FMR1NB: variants seen among roughly 807,000 people sequenced by gnomAD.
FMR1NB encodes the protein FMR1 neighbor.
A neutral mutation model predicts 16.8 loss-of-function variants in FMR1NB; 10 were observed. That is an observed-to-expected ratio of 0.60 (90% CI 0.37 to 1.01). FMR1NB has a LOEUF of 1.01. Ranked by LOEUF, FMR1NB falls within the 50% of genes least tolerant of loss-of-function variation. The pLI is 0.01. For synonymous variants in FMR1NB, 83 were observed against 79.1 expected, an observed-to-expected ratio of 1.05 and a Z score of -0.26; for missense variants, 205 against 204.8, an observed-to-expected ratio of 1.00 and a Z score of 0.00.
intron 1 of FMR1NB, among the ~76,000 whole-genome samples, chrX:147,983,387 AAT>A (rs1169145378): frequency 2.7e-5 from 3 of 112,328 alleles, no homozygotes; most frequent in Non-Finnish European, 3.8e-5. Flanking sequence ...CAATTTCACC[AAT>A]ATATGTTATC....
At chrX:148,007,569 G>A (rs1457471958) in intron 3 of FMR1NB, among the ~76,000 whole-genome samples, 1 of 112,002 alleles carries the variant, frequency 8.9e-6, no homozygotes, top group Non-Finnish European at 1.9e-5. Context: ...GAATTTATAG[G>A]TGTGAGCCAC....
chrX:147,987,063 A>G lies in FMR1NB; in HGVS notation c.277+5384A>G, dbSNP rs192462531. On this transcript the variant is annotated intron_variant, in intron 1 of 5. Transcript: ENST00000370467. ...TCCCTTGTAAGTTGTGTTCCTATGT[A>G]TTTTATTTTCTTTGTAGCAATTGTG... Among the ~76,000 whole-genome samples the G allele has an allele frequency of 7.2e-4, 79 of 109,902 alleles. 6 individuals are homozygous for G. The East Asian group carries it at 0.012, about 16-fold the overall frequency.
intron 1 of FMR1NB, among the ~76,000 whole-genome samples, chrX:147,996,538 T>A (rs143030088): frequency 0.015 from 1,544 of 102,505 alleles, 31 homozygotes; most frequent in African/African-American, 0.051. Context: ...TTCTGTCTCC[T>A]CACCCTGTCA....
intron 2 of FMR1NB, among the ~76,000 whole-genome samples, chrX:148,004,676 G>C (rs1183290984): frequency 8.9e-6 from 1 of 111,894 alleles, no homozygotes; most frequent in Non-Finnish European, 1.9e-5. Flanking sequence ...AAAAAAGTTC[G>C]TTGTTTTGCC....
chrX:148,020,681 A>G (rs782211098), intron 4 of FMR1NB, among the ~76,000 whole-genome samples: 34 of 111,763 alleles, frequency 3.0e-4, no homozygotes, highest in Non-Finnish European at 5.5e-4. Flanking sequence ...TAGAACTGTC[A>G]TCTGTGAGCT....
At chrX:147,981,705 G>A in intron 1 of FMR1NB, 26 bp downstream of exon 1, 1 of 539,292 alleles carries the variant, frequency 1.9e-6, no homozygotes, top group East Asian at 1.3e-4. Context: ...GGCCAGGCAG[G>A]GAAATGCTGG....
intron 1 of FMR1NB, among the ~76,000 whole-genome samples, chrX:147,994,321 C>T (rs529242508): frequency 1.8e-5 from 2 of 112,044 alleles, no homozygotes; most frequent in East Asian, 5.6e-4. Flanking sequence ...ACATGGGTTT[C>T]TAGGTTTTTG....
chrX:148,016,816 AT>A (rs1377471908), intron 4 of FMR1NB, among the ~76,000 whole-genome samples: 1 of 110,739 alleles, frequency 9.0e-6, no homozygotes, highest in Non-Finnish European at 1.9e-5. Context: ...ATAGTAGTCG[AT>A]GTTTTGAAGA....
chrX:147,985,867 G>C (rs1056743781), intron 1 of FMR1NB, among the ~76,000 whole-genome samples: 1 of 111,657 alleles, frequency 9.0e-6, no homozygotes, highest in Admixed American at 9.5e-5. Context: ...TGGTATTTCT[G>C]GTTCTAGATC....
chrX:147,996,610 A>C (rs2044543154), intron 1 of FMR1NB, among the ~76,000 whole-genome samples: 1 of 111,107 alleles, frequency 9.0e-6, no homozygotes, highest in South Asian at 3.8e-4. Flanking sequence ...GGGGCAACAT[A>C]ATTTGTAAAA....
intron 4 of FMR1NB, among the ~76,000 whole-genome samples, chrX:148,012,300 T>A (rs1603084224): frequency 8.9e-6 from 1 of 112,179 alleles, no homozygotes; most frequent in African/African-American, 3.2e-5. Context: ...TTAGATAAAG[T>A]TTAAATCTGT....
rs782306997 is a variant in FMR1NB at position 148,014,730 on chromosome X, G to T, written c.632+6019G>T. On this transcript the variant is annotated intron_variant, in intron 4 of 5. Coordinates refer to ENST00000370467, the MANE Select transcript of FMR1NB (RefSeq NM_152578.3). ...CACAATCACGGCTTACTGCAGCCTC[G>T]ACTTCCCGGGCTCCGGCAATCCTCC... is the stretch of plus-strand genomic sequence containing the variant. Among the ~76,000 whole-genome samples the T allele has an allele frequency of 8.1e-5, 9 of 111,226 alleles. No individual in the cohort carries two copies. The South Asian group carries it at 3.5e-3, about 43-fold the overall frequency.
chrX:147,996,202 A>T (rs1557188143), intron 1 of FMR1NB, among the ~76,000 whole-genome samples: 3 of 112,418 alleles, frequency 2.7e-5, no homozygotes, highest in East Asian at 5.5e-4. Context: ...ACAAGTAATG[A>T]TATTAAATTT....
chrX:147,988,948 G>T (rs1557187334), intron 1 of FMR1NB, among the ~76,000 whole-genome samples: 1 of 111,381 alleles, frequency 9.0e-6, no homozygotes, highest in Non-Finnish European at 1.9e-5. Flanking sequence ...CATTAGATTA[G>T]AACATGCTCC....
intron 1 of FMR1NB, among the ~76,000 whole-genome samples, chrX:147,984,421 G>T (rs2044466273): frequency 8.9e-6 from 1 of 111,987 alleles, no homozygotes; most frequent in African/African-American, 3.2e-5. Flanking sequence ...CAGTTTACAG[G>T]TCTTTAACTT....
intron 3 of FMR1NB, 129 bp downstream of exon 3, chrX:148,006,971 C>A: frequency 1.4e-6 from 1 of 714,255 alleles, no homozygotes; most frequent in Non-Finnish European, 2.0e-6. Context: ...AGCGGTGCTC[C>A]TTAGAAGGTC....
intron 4 of FMR1NB, among the ~76,000 whole-genome samples, chrX:148,017,593 T>C (rs1320712508): frequency 1.8e-5 from 2 of 108,675 alleles, no homozygotes; most frequent in Non-Finnish European, 3.8e-5. Flanking sequence ...TTAGGGTACA[T>C]GTGCACAATG....
chrX:148,026,443 C>A (rs1296782322), intron 5 of FMR1NB, 59 bp from the exon 6 acceptor site: 4 of 111,218 alleles, frequency 3.6e-5, no homozygotes, highest in African/African-American at 1.3e-4. Context: ...TGACAAAGTG[C>A]GATATGTGAA....
At chrX:148,013,012 G>A (rs1226361042) in intron 4 of FMR1NB, among the ~76,000 whole-genome samples, 1 of 111,769 alleles carries the variant, frequency 8.9e-6, no homozygotes, top group Non-Finnish European at 1.9e-5. Context: ...GTATGACTAG[G>A]CTGTAAGAAC....
Sources: allele counts gnomAD v4.1 joint callset (sites outside exome capture counted in the v4.1 genomes callset), GRCh38; gene constraint gnomAD v4.1.1; transcripts MANE v1.5; gene names NCBI Gene and HGNC (gene_info 2026-07-23, HGNC 2026-07-21).